SORL1: variants seen among roughly 807,000 people sequenced by gnomAD.
SORL1 encodes sortilin-related receptor.
A neutral mutation model predicts 273.7 loss-of-function variants in SORL1; 127 were observed. The ratio of observed to expected loss-of-function variants is 0.46; its 90% CI spans 0.40 to 0.54. SORL1 has a LOEUF of 0.54. SORL1 is among the 20% of genes least tolerant of loss of function. SORL1 has a pLI of 0.00. For synonymous variants in SORL1, 1,031 were observed against 1,067.4 expected, an observed-to-expected ratio of 0.97 and a Z score of 0.66; for missense variants, 2,494 against 2,846.1, an observed-to-expected ratio of 0.88 and a Z score of 2.81.
In SORL1 at chr11:121,605,395, G is replaced by T; in HGVS notation, c.4779-7G>T. ...TGTGACAATATCTTTATTTTTTTTT[G>T]GGCCAGGGTGGTTGGAGAGAGCATA... On this transcript the variant is annotated splice_polypyrimidine_tract_variant and splice_region_variant and intron_variant, in intron 34 of 47. Coordinates refer to ENST00000260197, the MANE Select transcript of SORL1 (RefSeq NM_003105.6). 15 of 1,589,810 alleles carry T rather than the reference G, an allele frequency of 9.4e-6. No homozygotes were observed. The Admixed American group carries it at 1.1e-4, about 12-fold the overall frequency.
At chr11:121,555,394 A>T in intron 18 of SORL1, 76 bp downstream of exon 18, 1 of 1,554,052 alleles carries the variant, frequency 6.4e-7, no homozygotes, top group South Asian at 1.1e-5. Flanking sequence ...TTTGACACAG[A>T]GGCAAGGGCC....
At position 121,558,813 on chromosome 11, in the gene SORL1, C is replaced by T. The variant is rs1862631540; in HGVS notation, c.2886C>T (p.His962=). ...QRSVILDNLP[H]PYAIAVFKNE... Reference sequence around the variant, plus strand: ...CTGTCATTCTGGACAACCTCCCGCACCCCTATGCCATTGCTGTCTTTAAGG... The same window carrying T: ...CTGTCATTCTGGACAACCTCCCGCATCCCTATGCCATTGCTGTCTTTAAGG... The change falls in exon 20 of 48, where the codon CAC becomes CAT. Residue 962 remains histidine, a synonymous_variant. Transcript: ENST00000260197. 6.2e-7 allele frequency: 1 copy of T among 1,614,136 alleles called. No individual in the cohort carries two copies. Among genetic ancestry groups the T allele is most frequent in the Non-Finnish European group, 8.5e-7 (1 of 1,180,016 alleles).
At position 121,574,290 on chromosome 11, in the gene SORL1, G is replaced by A. The variant is rs371319784; in HGVS notation, c.3387G>A (p.Gly1129=). Residue 1129 remains glycine (G), a synonymous_variant, in exon 24 of 48, where the codon GGG becomes GGA. Transcript: ENST00000260197. ...LDTQFRCQES[G]TCIPLSYKCD... is the part of the protein sequence containing the mutation. ...CCCAGTTTCGTTGCCAGGAGTCTGG[G>A]ACTTGTATCCCACTGTCCTATAAAT... 200 of 1,613,728 alleles carry A rather than the reference G, an allele frequency of 1.2e-4. No homozygotes were observed. Among genetic ancestry groups the A allele is most frequent in the Non-Finnish European group, 1.6e-4 (190 of 1,179,756 alleles).
chr11:121,534,365 C>G (rs921190385), intron 12 of SORL1, among the ~76,000 whole-genome samples: 1 of 152,150 alleles, frequency 6.6e-6, no homozygotes, highest in African/African-American at 2.4e-5. Context: ...TCATTCTGCA[C>G]GAGCTGGAGC....
chr11:121,556,327 G>A (rs936672389), intron 18 of SORL1, among the ~76,000 whole-genome samples: 2 of 152,140 alleles, frequency 1.3e-5, no homozygotes, highest in African/African-American at 4.8e-5. Flanking sequence ...GTGTGATTGC[G>A]CTTTTGGAGA....
chr11:121,599,315 C>T (rs767455769), intron 32 of SORL1, among the ~76,000 whole-genome samples: 7 of 152,174 alleles, frequency 4.6e-5, no homozygotes, highest in South Asian at 2.1e-4. Context: ...GAGGCCAAGG[C>T]GGGTGGATCA....
intron 31 of SORL1, among the ~76,000 whole-genome samples, chr11:121,594,606 T>C (rs1863266759): frequency 6.6e-6 from 1 of 152,218 alleles, no homozygotes; most frequent in South Asian, 2.1e-4. Context: ...AAATAATATA[T>C]TCTTTCTTTC....
chr11:121,569,538 C>T (rs1385920076), intron 22 of SORL1, among the ~76,000 whole-genome samples: 5 of 152,128 alleles, frequency 3.3e-5, no homozygotes, highest in East Asian at 1.9e-4. Flanking sequence ...CTTTTATGGT[C>T]GAAGCTGTAG....
In SORL1 at chr11:121,557,308, T is replaced by C. The variant is rs755834365; in HGVS notation, c.2572-6T>C. On this transcript the variant is annotated splice_polypyrimidine_tract_variant and splice_region_variant and intron_variant, in intron 18 of 47. Transcript: ENST00000260197. ...TCTCAGCCTCTTTTCCCCCTGTTTT[T>C]GTCAGGTAGCTAATCCAGATGGCGA... 14 of 1,610,382 alleles carry C rather than the reference T, an allele frequency of 8.7e-6. No homozygotes were observed. The highest frequency in any genetic ancestry group is 1.3e-5 in the African/African-American group (1 of 74,850).
rs553437379 is a variant in SORL1, at chr11:121,543,027, C to CA, written c.1686-507dup. ...CCCGTCTTTACTACAAATACAAATACAAAAAAAAAAAAAATTAGCCGGGTG... is the reference window on the plus strand; with the variant it reads ...CCCGTCTTTACTACAAATACAAATACAAAAAAAAAAAAAAATTAGCCGGGTG... On this transcript the variant is annotated intron_variant, in intron 12 of 47. Coordinates refer to ENST00000260197, the MANE Select transcript of SORL1 (RefSeq NM_003105.6). Among the ~76,000 whole-genome samples, 743 of 128,990 alleles carry CA rather than the reference C, an allele frequency of 5.8e-3. 3 individuals carry two copies. Among genetic ancestry groups the CA allele is most frequent in the South Asian group, 0.016 (66 of 4,032 alleles). The allele number at this position is 128,990 out of a possible 152,430, so 84.6% of individuals were successfully genotyped here.
intron 39 of SORL1, 190 bp downstream of exon 39, chr11:121,611,348 C>G: frequency 2.0e-6 from 1 of 494,880 alleles, no homozygotes; most frequent in Non-Finnish European, 3.6e-6. Context: ...CTTGAGTCTT[C>G]ACATGTAATT....
At chr11:121,498,762 G>A (rs1861667038) in intron 6 of SORL1, among the ~76,000 whole-genome samples, 1 of 152,054 alleles carries the variant, frequency 6.6e-6, no homozygotes, top group Admixed American at 6.6e-5. Context: ...TGTAATCCCA[G>A]CTACTCGGAA....
At chr11:121,561,183 C>G (rs74794424) in intron 21 of SORL1, among the ~76,000 whole-genome samples, 4,591 of 152,262 alleles carry the variant, frequency 0.03, 104 homozygotes, top group East Asian at 0.076. Flanking sequence ...TATGCATGTG[C>G]TTGTTTGATT....
At chr11:121,612,853 AGT>A in intron 40 of SORL1, 21 bp downstream of exon 40, 3 of 1,564,272 alleles carry the variant, frequency 1.9e-6, no homozygotes, top group African/African-American at 1.3e-5. Context: ...GGTGCTGGTC[AGT>A]GTGTGTGCAG....
At position 121,567,049 on chromosome 11, in the gene SORL1, A is replaced by G; in HGVS notation, c.3159A>G (p.Ser1053=). 1 of 1,614,198 alleles carries G rather than the reference A, an allele frequency of 6.2e-7. No homozygotes were observed. Among genetic ancestry groups the G allele is most frequent in the South Asian group, 1.1e-5 (1 of 91,084 alleles). The stretch of plus-strand genomic sequence containing the variant: ...ATGTGTCCAGCAGTGTGCTTCCATC[A>G]GGGGACCTGATGTGTGACTGCCCTC... ...PEDVSSSVLP[S]GDLMCDCPQG... Residue 1053 remains serine, a synonymous_variant, in exon 22 of 48, where the codon TCA becomes TCG. Coordinates refer to ENST00000260197, the MANE Select transcript of SORL1 (RefSeq NM_003105.6).
intron 24 of SORL1, 101 bp from the exon 25 acceptor site, chr11:121,577,180 A>G (rs1862943541): frequency 7.1e-7 from 1 of 1,416,422 alleles, no homozygotes; most frequent in Admixed American, 2.0e-5. Context: ...ATCATTGGTG[A>G]TCACGGGTCC....
chr11:121,511,967 G>GACT (rs1304474665), intron 6 of SORL1, among the ~76,000 whole-genome samples: 1 of 152,184 alleles, frequency 6.6e-6, no homozygotes, highest in African/African-American at 2.4e-5. Context: ...TCATTTGTAT[G>GACT]ATTATGTCCA....
In SORL1 at chr11:121,607,236, T is replaced by C. The variant is rs1863491300; in HGVS notation, c.5112T>C (p.Ala1704=). 6.2e-7 allele frequency: 1 copy of C among 1,612,838 alleles called. No individual in the cohort carries two copies. Among genetic ancestry groups the C allele is most frequent in the Non-Finnish European group, 8.5e-7 (1 of 1,178,810 alleles). ...AGATGTGGGCCTCCCAGAGGGCTGC[T>C]AGTAACTTTACAGAAATCAAGAACT... ...GSKMWASQRA[A]SNFTEIKNLL... The change falls in exon 37 of 48, where the codon GCT becomes GCC. Residue 1704 remains alanine, a synonymous_variant. Coordinates refer to ENST00000260197, the MANE Select transcript of SORL1 (RefSeq NM_003105.6).
At chr11:121,598,762 T>C (rs1410143428) in intron 32 of SORL1, among the ~76,000 whole-genome samples, 1 of 152,218 alleles carries the variant, frequency 6.6e-6, no homozygotes, top group African/African-American at 2.4e-5. Flanking sequence ...ACTTGAAATA[T>C]GAAACTAATT....
Sources: allele counts gnomAD v4.1 joint callset (sites outside exome capture counted in the v4.1 genomes callset), GRCh38; gene constraint gnomAD v4.1.1; transcripts MANE v1.5; gene names NCBI Gene and HGNC (gene_info 2026-07-23, HGNC 2026-07-21).